The following SLMAP variants were observed in gnomAD, a reference collection of about 807,000 sequenced individuals.
SLMAP encodes the protein sarcolemmal membrane-associated protein.
A neutral mutation model predicts 128.8 loss-of-function variants in SLMAP; 44 were observed. The ratio of observed to expected loss-of-function variants is 0.34; its 90% CI spans 0.27 to 0.44. The LOEUF (loss-of-function observed/expected upper bound fraction) is 0.44, where lower values mean the gene tolerates loss of function less well. SLMAP is among the 20% of genes least tolerant of loss of function. The pLI, the probability that SLMAP is intolerant of heterozygous loss-of-function variation, is 1.00. For synonymous variants in SLMAP, 327 were observed against 348.8 expected, an observed-to-expected ratio of 0.94 and a Z score of 0.70; for missense variants, 787 against 985.3, an observed-to-expected ratio of 0.80 and a Z score of 2.69.
intron 2 of SLMAP, among the ~76,000 whole-genome samples, chr3:57,802,371 G>A (rs1255699513): frequency 6.6e-6 from 1 of 151,916 alleles, no homozygotes; most frequent in East Asian, 1.9e-4. Flanking sequence ...TCCGTCTCCT[G>A]GGTTCAAACG....
chr3:57,804,317 A>G (rs1157426775), intron 2 of SLMAP, among the ~76,000 whole-genome samples: 1 of 152,226 alleles, frequency 6.6e-6, no homozygotes, highest in Non-Finnish European at 1.5e-5. Context: ...GCTGTAAGAC[A>G]TTTATACTGT....
rs551732224 is a variant in SLMAP, at chr3:57,907,265, G to T, written c.1502-619G>T. Among the ~76,000 whole-genome samples, 52 of 152,060 alleles carry T rather than the reference G, an allele frequency of 3.4e-4. 2 individuals are homozygous for T. The East Asian group carries it at 0.01, about 29-fold the overall frequency. The stretch of plus-strand genomic sequence containing the variant: ...GATGGTCTCGATCTCCTGACCTCGT[G>T]ATCCGCCTGCCTCAGCCTCCCAAAG... On this transcript the variant is annotated intron_variant, in intron 17 of 24. Coordinates refer to ENST00000671191, the MANE Select transcript of SLMAP (RefSeq NM_001377540.1).
chr3:57,828,036 C>A (rs1007831478), intron 2 of SLMAP, among the ~76,000 whole-genome samples: 1 of 152,176 alleles, frequency 6.6e-6, no homozygotes, highest in Non-Finnish European at 1.5e-5. Flanking sequence ...GCAACCTCTG[C>A]CCCCCAGATT....
chr3:57,814,984 C>T (rs1270814414), intron 2 of SLMAP, among the ~76,000 whole-genome samples: 4 of 152,070 alleles, frequency 2.6e-5, no homozygotes. Context: ...AAGACTCTGT[C>T]TCAAAAACCC....
At chr3:57,861,168 A>G (rs976010409) in intron 9 of SLMAP, among the ~76,000 whole-genome samples, 2 of 151,974 alleles carry the variant, frequency 1.3e-5, no homozygotes, top group African/African-American at 2.4e-5. Flanking sequence ...CTTTGCTTCT[A>G]TTTGAGGGGG....
At chr3:57,886,106 A>ATTTT (rs112191414) in intron 14 of SLMAP, among the ~76,000 whole-genome samples, 1 of 129,990 alleles carries the variant, frequency 7.7e-6, no homozygotes, top group Non-Finnish European at 1.7e-5. Flanking sequence ...TAAAGATATA[A>ATTTT]TTTTTTTTTT....
chr3:57,770,783 A>G (rs1201803691), intron 2 of SLMAP, among the ~76,000 whole-genome samples: 6 of 152,246 alleles, frequency 3.9e-5, no homozygotes, highest in African/African-American at 1.4e-4. Flanking sequence ...TAGGCAGTCA[A>G]TAGCTTGTGG....
chr3:57,899,566 G>A (rs2096321309), intron 17 of SLMAP: 1 of 151,860 alleles, frequency 6.6e-6, no homozygotes, highest in Non-Finnish European at 1.5e-5. Flanking sequence ...TACTTATTTT[G>A]TTTTGTTTTG....
intron 2 of SLMAP, among the ~76,000 whole-genome samples, chr3:57,760,087 A>G (rs1274996544): frequency 6.6e-6 from 1 of 152,144 alleles, no homozygotes; most frequent in Non-Finnish European, 1.5e-5. Context: ...TCACAGGCGC[A>G]TGCCACCATG....
intron 2 of SLMAP, among the ~76,000 whole-genome samples, chr3:57,828,618 T>TA (rs2093096578): frequency 6.6e-6 from 1 of 152,160 alleles, no homozygotes; most frequent in African/African-American, 2.4e-5. Flanking sequence ...GATTTTATTC[T>TA]AAGGTGTTTG....
chr3:57,878,065 A>G (rs2095646636), intron 14 of SLMAP, among the ~76,000 whole-genome samples: 1 of 150,452 alleles, frequency 6.6e-6, no homozygotes, highest in African/African-American at 2.4e-5. Context: ...CTGGTCTCAA[A>G]CTCCTGACCT....
chr3:57,781,924 G>A (rs1394741019), intron 2 of SLMAP, among the ~76,000 whole-genome samples: 1 of 151,910 alleles, frequency 6.6e-6, no homozygotes, highest in East Asian at 1.9e-4. Context: ...ACTAGATGCG[G>A]GGTTTCACCA....
chr3:57,858,044 T>C lies in SLMAP; in HGVS notation c.616-44T>C, dbSNP rs200563711. On this transcript the variant is annotated intron_variant, in intron 7 of 24. Coordinates refer to ENST00000671191, the MANE Select transcript of SLMAP (RefSeq NM_001377540.1). ...ACCTTTTTTTATATACATGTGACTT[T>C]ATAATTACTCGGGTTTTACTTACAT... 3.2e-6 allele frequency: 4 copies of C among 1,262,590 alleles called. No individual in the cohort carries two copies. The African/African-American group carries it at 4.4e-5, about 14-fold the overall frequency. The allele number at this position is 1,262,590 out of a possible 1,614,324, so 78.2% of individuals were successfully genotyped here. A position where few individuals can be genotyped will look rare whatever the true frequency, so the allele number is the denominator to read the frequency against.
chr3:57,875,367 T>C (rs551499496), intron 14 of SLMAP, among the ~76,000 whole-genome samples: 2 of 151,972 alleles, frequency 1.3e-5, no homozygotes, highest in African/African-American at 4.8e-5. Context: ...TACAAAAAAT[T>C]AGCTGGCCAT....
At chr3:57,827,176 G>A (rs1264080333) in intron 2 of SLMAP, among the ~76,000 whole-genome samples, 1 of 152,154 alleles carries the variant, frequency 6.6e-6, no homozygotes, top group African/African-American at 2.4e-5. Flanking sequence ...TTTGTGCTTT[G>A]TTCTGAAGCT....
chr3:57,864,964 G>T, intron 12 of SLMAP, 107 bp downstream of exon 12: 1 of 856,852 alleles, frequency 1.2e-6, no homozygotes, highest in South Asian at 1.9e-5. Flanking sequence ...TATGTATTAG[G>T]TATAAAGTAT....
intron 4 of SLMAP, among the ~76,000 whole-genome samples, chr3:57,844,325 C>T (rs973444159): frequency 4.6e-5 from 7 of 151,842 alleles, no homozygotes; most frequent in Non-Finnish European, 1.0e-4. Context: ...ACCCCGGAGG[C>T]GGAAGTTGCA....
intron 2 of SLMAP, among the ~76,000 whole-genome samples, chr3:57,782,450 C>G (rs1177760955): frequency 2.0e-5 from 3 of 152,070 alleles, no homozygotes; most frequent in Admixed American, 2.0e-4. Context: ...GTAGGAAAAG[C>G]CAATGTTTAG....
In SLMAP at chr3:57,862,106, G is replaced by A. The variant is rs2095095001; in HGVS notation, c.966+20G>A. On this transcript the variant is annotated intron_variant, in intron 10 of 24. Transcript: ENST00000671191. ...TTAAAGGTATGTATTTACTCTGCCT[G>A]AAAGTATGTTAAGCTAATAATCCCT... 2 of 1,539,038 alleles carry A rather than the reference G, an allele frequency of 1.3e-6. No individual in the cohort carries two copies. Among genetic ancestry groups the A allele is most frequent in the African/African-American group, 2.7e-5 (2 of 72,948 alleles).
Sources: allele counts gnomAD v4.1 joint callset (sites outside exome capture counted in the v4.1 genomes callset), GRCh38; gene constraint gnomAD v4.1.1; transcripts MANE v1.5; gene names NCBI Gene and HGNC (gene_info 2026-07-23, HGNC 2026-07-21).